The following SOX5 variants were observed in gnomAD, a reference collection of about 807,000 sequenced individuals.
The protein encoded by SOX5 is SRY-box transcription factor 5.
Under a neutral mutation model 92.0 loss-of-function variants are expected in SOX5, and 9 were observed. That is an observed-to-expected ratio of 0.10 (90% CI 0.06 to 0.17). The LOEUF (loss-of-function observed/expected upper bound fraction) is 0.17. Ranked by LOEUF, SOX5 falls within the 10% of genes least tolerant of loss-of-function variation. The probability of loss-of-function intolerance (pLI) is 1.00; values close to 1 mark genes in which losing one functional copy is unlikely to be tolerated. For synonymous variants in SOX5, 344 were observed against 336.3 expected (o/e 1.02, Z -0.25); for missense variants, 642 against 944.5 (o/e 0.68, Z 4.20).
intron 1 of SOX5, among the ~76,000 whole-genome samples, chr12:23,928,819 A>C (rs1165029766): frequency 7.2e-5 from 11 of 151,852 alleles, no homozygotes; most frequent in Non-Finnish European, 1.6e-4. Flanking sequence ...CAATAGGTAA[A>C]AAGTAAAAAT....
chr12:24,472,594 G>A (rs867366144), intron 1 of SOX5, among the ~76,000 whole-genome samples: 2 of 152,178 alleles, frequency 1.3e-5, no homozygotes, highest in Non-Finnish European at 2.9e-5. Flanking sequence ...GTTAACATAA[G>A]TTGAATTGTA....
intron 9 of SOX5, among the ~76,000 whole-genome samples, chr12:23,589,819 G>A (rs1315931260): frequency 6.6e-6 from 1 of 151,612 alleles, no homozygotes; most frequent in Non-Finnish European, 1.5e-5. Context: ...ATTGACCTTT[G>A]ATCATGTATT....
intron 1 of SOX5, among the ~76,000 whole-genome samples, chr12:23,948,420 G>A (rs963091672): frequency 4.6e-5 from 7 of 150,852 alleles, no homozygotes; most frequent in East Asian, 2.0e-4. Flanking sequence ...TTCTTTTTTC[G>A]TCTTTTCATA....
intron 6 of SOX5, among the ~76,000 whole-genome samples, chr12:23,680,347 A>AAAAAAAAAAAAAAAAAAAAAAAAAAAT (rs2086405659): frequency 6.7e-6 from 1 of 148,728 alleles, no homozygotes; most frequent in Non-Finnish European, 1.5e-5. Context: ...AAAAAAAAAA[A>AAAAAAAAAAAAAAAAAAAAAAAAAAAT]GAAAAATATA....
At chr12:23,867,539 G>A (rs1651472897) in intron 2 of SOX5, among the ~76,000 whole-genome samples, 1 of 151,974 alleles carries the variant, frequency 6.6e-6, no homozygotes, top group Non-Finnish European at 1.5e-5. Flanking sequence ...AAAAACACAA[G>A]CTGGTAATTG....
intron 6 of SOX5, among the ~76,000 whole-genome samples, chr12:23,703,015 G>A (rs1300082046): frequency 1.3e-5 from 2 of 151,918 alleles, no homozygotes; most frequent in Non-Finnish European, 2.9e-5. Context: ...GAACAAGATG[G>A]GCCCATATTA....
At chr12:23,577,252 T>C (rs1181166874) in intron 9 of SOX5, among the ~76,000 whole-genome samples, 1 of 140,412 alleles carries the variant, frequency 7.1e-6, no homozygotes, top group Non-Finnish European at 1.5e-5. Context: ...TGGAGTGCAG[T>C]GGTGCAATCT....
chr12:23,724,352 G>A (rs2140656379), intron 6 of SOX5, among the ~76,000 whole-genome samples: 1 of 152,180 alleles, frequency 6.6e-6, no homozygotes, highest in African/African-American at 2.4e-5. Flanking sequence ...CAAACTGTCT[G>A]AATTCTTGTG....
In SOX5 at chr12:24,544,422, A is replaced by G. The variant is rs1228407400; in HGVS notation, c.-251+17907T>C. Among the ~76,000 whole-genome samples the G allele has an allele frequency of 2.0e-5, 3 of 152,360 alleles. No individual in the cohort carries two copies. The South Asian group carries it at 6.2e-4, about 32-fold the overall frequency. On this transcript the variant is annotated intron_variant, in intron 1 of 4. Coordinates refer to the SOX5 transcript ENST00000446891. ...CTATACATTGATAAATCTGAAAAAA[A>G]GAAACAATGGAAGAACATTCAAAAG...
intron 7 of SOX5, among the ~76,000 whole-genome samples, chr12:23,649,622 C>T (rs1475596148): frequency 6.6e-6 from 1 of 151,972 alleles, no homozygotes; most frequent in Non-Finnish European, 1.5e-5. Flanking sequence ...TTTCAAAAAG[C>T]TAAAAAGTAT....
At chr12:23,656,544 A>G (rs1246557168) in intron 7 of SOX5, among the ~76,000 whole-genome samples, 1 of 152,116 alleles carries the variant, frequency 6.6e-6, no homozygotes, top group Non-Finnish European at 1.5e-5. Flanking sequence ...TGTATCCATC[A>G]TAAGGAAATA....
At chr12:24,020,251 G>A (rs1424768704) in intron 4 of SOX5, among the ~76,000 whole-genome samples, 1 of 152,128 alleles carries the variant, frequency 6.6e-6, no homozygotes, top group African/African-American at 2.4e-5. Context: ...CCATGATGAT[G>A]TAGTTCAAAT....
chr12:24,172,847 T>A (rs1038100815), intron 4 of SOX5, among the ~76,000 whole-genome samples: 1 of 152,168 alleles, frequency 6.6e-6, no homozygotes, highest in African/African-American at 2.4e-5. Context: ...CTCAAGAGAA[T>A]GAGAAAGGTC....
intron 4 of SOX5, among the ~76,000 whole-genome samples, chr12:24,128,791 T>C (rs965963863): frequency 6.6e-6 from 1 of 152,188 alleles, no homozygotes; most frequent in Non-Finnish European, 1.5e-5. Context: ...GATATGATTA[T>C]AATATAATCT....
chr12:24,385,926 C>CAAAAAAAAAAAAAAA (rs35813329), intron 1 of SOX5, among the ~76,000 whole-genome samples: 8 of 73,382 alleles, frequency 1.1e-4, no homozygotes, highest in African/African-American at 1.8e-4. Flanking sequence ...GACCTTGTCA[C>CAAAAAAAAAAAAAAA]AAAAAAAAAA....
chr12:24,511,184 T>G (rs916023256), intron 1 of SOX5, among the ~76,000 whole-genome samples: 3 of 152,218 alleles, frequency 2.0e-5, no homozygotes, highest in Non-Finnish European at 1.5e-5. Context: ...CCCTCTCCCT[T>G]GAAGTCACAT....
chr12:23,749,670 C>T (rs371173723), intron 4 of SOX5, among the ~76,000 whole-genome samples: 1 of 151,980 alleles, frequency 6.6e-6, no homozygotes, highest in East Asian at 1.9e-4. Context: ...CTCTATAAAA[C>T]ATATTATTAA....
chr12:23,767,865 CT>C (rs1248261594), intron 3 of SOX5, among the ~76,000 whole-genome samples: 1 of 151,624 alleles, frequency 6.6e-6, no homozygotes, highest in Non-Finnish European at 1.5e-5. Context: ...AGATACAGAT[CT>C]GTAGATTTAT....
At chr12:23,682,174 C>A (rs1306131709) in intron 6 of SOX5, among the ~76,000 whole-genome samples, 1 of 151,774 alleles carries the variant, frequency 6.6e-6, no homozygotes, top group Non-Finnish European at 1.5e-5. Context: ...ATTGTTCACA[C>A]ACTAAGCCAT....
Sources: gnomAD v4.1 joint callset for allele counts (sites outside exome capture counted in the v4.1 genomes callset) on GRCh38, gnomAD v4.1.1 for gene constraint, MANE v1.5 for transcripts, NCBI Gene and HGNC (gene_info 2026-07-23, HGNC 2026-07-21) for gene names.